SCAPER: variants seen among roughly 807,000 people sequenced by gnomAD.
The protein encoded by SCAPER is S-phase cyclin A associated protein in the ER.
SCAPER carries 98 observed loss-of-function variants against 182.2 expected under a neutral mutation model. That is an observed-to-expected ratio of 0.54 (90% CI 0.46 to 0.64). SCAPER has a LOEUF of 0.64. Among genes scored for constraint, SCAPER ranks in the 30% least tolerant of loss-of-function variants. The pLI, the probability that SCAPER is intolerant of heterozygous loss-of-function variation, is 0.00. For synonymous variants in SCAPER, 605 were observed against 564.6 expected, an observed-to-expected ratio of 1.07 and a Z score of -1.01; for missense variants, 1,432 against 1,690.0, an observed-to-expected ratio of 0.85 and a Z score of 2.68.
chr15:76,709,900 G>C (rs1598299073), intron 17 of SCAPER, among the ~76,000 whole-genome samples: 1 of 152,220 alleles, frequency 6.6e-6, no homozygotes, highest in African/African-American at 2.4e-5. Context: ...TATTAATAAA[G>C]AGTAAAACCC....
intron 28 of SCAPER, among the ~76,000 whole-genome samples, chr15:76,377,505 T>C (rs192295171): frequency 6.6e-6 from 1 of 152,282 alleles, no homozygotes; most frequent in African/African-American, 2.4e-5. Context: ...TTAAACCAAT[T>C]TTCAAGGAAA....
intron 22 of SCAPER, among the ~76,000 whole-genome samples, chr15:76,593,860 G>A (rs1200328290): frequency 8.2e-6 from 1 of 121,366 alleles, no homozygotes; most frequent in African/African-American, 2.5e-5. Context: ...AATCCAGGAA[G>A]ATGAGGAAAA....
At chr15:76,712,866 C>T (rs1433810602) in intron 17 of SCAPER, among the ~76,000 whole-genome samples, 2 of 152,084 alleles carry the variant, frequency 1.3e-5, no homozygotes, top group African/African-American at 4.8e-5. Flanking sequence ...TCTAGATATA[C>T]AATCATGTCA....
intron 18 of SCAPER, among the ~76,000 whole-genome samples, chr15:76,704,029 C>A (rs1218360844): frequency 6.6e-6 from 1 of 151,924 alleles, no homozygotes. Context: ...TGTAGTAATG[C>A]TAAAAATTTT....
chr15:76,349,221 A>C (rs993708382), intron 31 of SCAPER: 3 of 152,018 alleles, frequency 2.0e-5, no homozygotes, highest in African/African-American at 7.3e-5. Context: ...AACAAAAAAC[A>C]AAAAAAAGAA....
intron 23 of SCAPER, 74 bp from the exon 24 acceptor site, chr15:76,505,048 T>C: frequency 1.1e-6 from 1 of 950,550 alleles, no homozygotes; most frequent in Non-Finnish European, 1.6e-6. Flanking sequence ...ATCTGTAGTC[T>C]GAAACATACT....
Position 76,510,888 on chromosome 15 carries a change from T to TGTGC in SCAPER, c.2839-5915_2839-5914insGCAC, listed in dbSNP as rs1491205462. ...GCGTGTGTGTGTGTGTGTGTGTGTG[T>TGTGC]GCGCGCGCGCACGTATGGAATACTA... On this transcript the variant is annotated intron_variant, in intron 23 of 31. Coordinates refer to ENST00000563290, the MANE Select transcript of SCAPER (RefSeq NM_020843.4). Among the ~76,000 whole-genome samples the TGTGC allele has an allele frequency of 3.7e-3, 522 of 141,200 alleles. 5 individuals are homozygous for TGTGC. Among genetic ancestry groups the TGTGC allele is most frequent in the African/African-American group, 0.012 (477 of 38,664 alleles). 92.6% of individuals were successfully genotyped at this position (141,200 alleles called of 152,430 possible).
chr15:76,789,697 G>A (rs1424009261), intron 8 of SCAPER, among the ~76,000 whole-genome samples: 1 of 152,210 alleles, frequency 6.6e-6, no homozygotes, highest in Non-Finnish European at 1.5e-5. Context: ...TAAACTGTCA[G>A]AGAACTTCTA....
intron 31 of SCAPER, 38 bp from the exon 32 acceptor site, chr15:76,348,774 G>T (rs745721486): frequency 8.0e-7 from 1 of 1,255,676 alleles, no homozygotes; most frequent in South Asian, 1.4e-5. Context: ...TTAAATAAAA[G>T]AGGGTTAAAT....
chr15:76,658,760 A>C (rs1024617310), intron 21 of SCAPER, among the ~76,000 whole-genome samples: 49 of 152,166 alleles, frequency 3.2e-4, no homozygotes, highest in Non-Finnish European at 2.6e-4. Flanking sequence ...TGCAGAAAAA[A>C]TGCCGCACAC....
chr15:76,719,457 C>T (rs1435425589), intron 17 of SCAPER, among the ~76,000 whole-genome samples: 1 of 152,074 alleles, frequency 6.6e-6, no homozygotes, highest in Non-Finnish European at 1.5e-5. Flanking sequence ...GTAAGATGAA[C>T]AAGTCTAGAG....
chr15:76,850,039 C>A (rs1249787895), intron 4 of SCAPER, among the ~76,000 whole-genome samples: 2 of 152,168 alleles, frequency 1.3e-5, no homozygotes, highest in Non-Finnish European at 2.9e-5. Flanking sequence ...TTACCTCCAC[C>A]TGGTCCCACC....
intron 23 of SCAPER, among the ~76,000 whole-genome samples, chr15:76,566,842 A>G (rs950400096): frequency 6.6e-6 from 1 of 152,064 alleles, no homozygotes; most frequent in Non-Finnish European, 1.5e-5. Context: ...TTATTATTAA[A>G]CATAAACATA....
rs1214409456 is a variant in SCAPER at position 76,572,676 on chromosome 15, GGA to G, written c.2838+1480_2838+1481del. Among the ~76,000 whole-genome samples the G allele has an allele frequency of 4.1e-4, 62 of 152,082 alleles. 2 individuals carry two copies. Among genetic ancestry groups the G allele is most frequent in the Admixed American group, 4.0e-3 (61 of 15,246 alleles). ...GGACTAGCAGCATCAATATGACTTA[GGA>G]ACTTGTTAGGAATACAAATTCTCCA... On this transcript the variant is annotated intron_variant, in intron 23 of 31. Coordinates refer to ENST00000563290, the MANE Select transcript of SCAPER (RefSeq NM_020843.4).
intron 21 of SCAPER, among the ~76,000 whole-genome samples, chr15:76,625,473 G>C (rs973976855): frequency 1.3e-5 from 2 of 152,162 alleles, no homozygotes; most frequent in African/African-American, 2.4e-5. Context: ...TAGGGTCTTT[G>C]ACAATGGCTC....
chr15:76,889,425 C>T (rs2074039928), intron 1 of SCAPER, among the ~76,000 whole-genome samples: 1 of 152,092 alleles, frequency 6.6e-6, no homozygotes, highest in East Asian at 1.9e-4. Context: ...ATTCAGGAGA[C>T]CCATCTCATG....
At chr15:76,629,381 TA>T (rs373637389) in intron 21 of SCAPER, among the ~76,000 whole-genome samples, 97 of 152,340 alleles carry the variant, frequency 6.4e-4, no homozygotes, top group African/African-American at 2.1e-3. Flanking sequence ...TTCAGTATGA[TA>T]TTGGCTGTGG....
At chr15:76,824,605 T>A (rs1225566123) in intron 5 of SCAPER, among the ~76,000 whole-genome samples, 5 of 152,236 alleles carry the variant, frequency 3.3e-5, no homozygotes, top group Non-Finnish European at 7.3e-5. Context: ...TCTAGTTTTT[T>A]GAATGTTACT....
chr15:76,526,867 T>A (rs1009849518), intron 23 of SCAPER, among the ~76,000 whole-genome samples: 25 of 151,944 alleles, frequency 1.6e-4, no homozygotes, highest in African/African-American at 2.2e-4. Flanking sequence ...TTTTTTTTTT[T>A]ATTTTTATTT....
Sources: gnomAD v4.1 joint callset for allele counts (sites outside exome capture counted in the v4.1 genomes callset) on GRCh38, gnomAD v4.1.1 for gene constraint, MANE v1.5 for transcripts, NCBI Gene and HGNC (gene_info 2026-07-23, HGNC 2026-07-21) for gene names.